Variants in SLC24A3 observed in about 807,000 individuals in gnomAD.
SLC24A3 encodes sodium/potassium/calcium exchanger 3.
Under a neutral mutation model 75.8 loss-of-function variants are expected in SLC24A3, and 28 were observed. That is an observed-to-expected ratio of 0.37 (90% CI 0.27 to 0.51). The LOEUF (loss-of-function observed/expected upper bound fraction) is 0.51. Among genes scored for constraint, SLC24A3 ranks in the 20% least tolerant of loss-of-function variants. SLC24A3 has a pLI of 0.94. For synonymous variants in SLC24A3, 372 were observed against 334.1 expected (o/e 1.11, Z -1.24); for missense variants, 663 against 847.8 (o/e 0.78, Z 2.71).
In SLC24A3 at chr20:19,365,102, A is replaced by C. The variant is rs73902334; in HGVS notation, c.271+84015A>C. On this transcript the variant is annotated intron_variant, in intron 2 of 16. Transcript: ENST00000328041. Reference sequence around the variant, plus strand: ...TGCAGCTGTGCCAGGATGCTCTCCCATGAGGCCTTGCACTTTGTACCGTTA... The same window carrying C: ...TGCAGCTGTGCCAGGATGCTCTCCCCTGAGGCCTTGCACTTTGTACCGTTA... 2.6e-3 allele frequency among the ~76,000 whole-genome samples: 398 copies of C among 152,208 alleles called. 3 individuals are homozygous for C. Among genetic ancestry groups the C allele is most frequent in the African/African-American group, 9.3e-3 (388 of 41,538 alleles).
intron 2 of SLC24A3, among the ~76,000 whole-genome samples, chr20:19,386,438 C>T (rs973692536): frequency 6.6e-6 from 1 of 152,172 alleles, no homozygotes; most frequent in Non-Finnish European, 1.5e-5. Flanking sequence ...CTAGCTAGAA[C>T]TCCCAGTACT....
rs781655298 is a variant in SLC24A3 at position 19,684,300 on chromosome 20, C to T, written c.1026C>T (p.Thr342=). Reference sequence around the variant, plus strand: ...TAACCAGCCACTTTCCCCCCAAGACCCGGCTCTCCATGGCCAGTCGCATGT... The same window carrying T: ...TAACCAGCCACTTTCCCCCCAAGACTCGGCTCTCCATGGCCAGTCGCATGT... The part of the protein sequence containing the change: ...IMITSHFPPK[T]RLSMASRMLI... The change falls in exon 11 of 17, where the codon ACC becomes ACT. Residue 342 remains threonine, a synonymous_variant. Transcript: ENST00000328041. 1 of 1,614,100 alleles carries T rather than the reference C, an allele frequency of 6.2e-7. No individual in the cohort carries two copies. The highest frequency in any genetic ancestry group is 8.5e-7 in the Non-Finnish European group (1 of 1,180,016).
chr20:19,399,370 T>G (rs1407535579), intron 2 of SLC24A3, among the ~76,000 whole-genome samples: 1 of 152,184 alleles, frequency 6.6e-6, no homozygotes, highest in Non-Finnish European at 1.5e-5. Flanking sequence ...ACCTTTCTTC[T>G]TTTTCAATAT....
At chr20:19,384,767 A>G (rs1409456716) in intron 2 of SLC24A3, among the ~76,000 whole-genome samples, 2 of 152,240 alleles carry the variant, frequency 1.3e-5, no homozygotes, top group Non-Finnish European at 2.9e-5. Context: ...ACTCTTTTCC[A>G]TAATGGTGGT....
At chr20:19,439,733 G>A (rs1987267739) in intron 2 of SLC24A3, among the ~76,000 whole-genome samples, 1 of 152,200 alleles carries the variant, frequency 6.6e-6, no homozygotes, top group Non-Finnish European at 1.5e-5. Flanking sequence ...TTGGATCTGT[G>A]TAGTGGGCAA....
At chr20:19,496,168 CT>C (rs1246981210) in intron 2 of SLC24A3, among the ~76,000 whole-genome samples, 1 of 152,184 alleles carries the variant, frequency 6.6e-6, no homozygotes, top group Non-Finnish European at 1.5e-5. Flanking sequence ...GGCTTCTGCA[CT>C]TCTGGCCTCA....
intron 6 of SLC24A3, among the ~76,000 whole-genome samples, chr20:19,618,148 G>C (rs2031760835): frequency 6.6e-6 from 1 of 152,140 alleles, no homozygotes. Context: ...GGTCACTAGT[G>C]GGGAGCCCAC....
intron 2 of SLC24A3, among the ~76,000 whole-genome samples, chr20:19,430,310 T>G (rs1987077925): frequency 6.6e-6 from 1 of 152,088 alleles, no homozygotes; most frequent in African/African-American, 2.4e-5. Context: ...AGATCAATAA[T>G]CAAAACAGAG....
intron 7 of SLC24A3, among the ~76,000 whole-genome samples, chr20:19,655,719 C>T (rs969828796): frequency 2.6e-5 from 4 of 152,142 alleles, no homozygotes; most frequent in African/African-American, 9.7e-5. Context: ...TTCTCCTGTC[C>T]TCAGACATCA....
chr20:19,256,340 A>G (rs1243244380), intron 1 of SLC24A3, among the ~76,000 whole-genome samples: 1 of 152,214 alleles, frequency 6.6e-6, no homozygotes, highest in African/African-American at 2.4e-5. Flanking sequence ...AGAGGGTAAC[A>G]GGGAGTGGCT....
chr20:19,236,596 AT>A (rs1167590398), intron 1 of SLC24A3, among the ~76,000 whole-genome samples: 1 of 152,122 alleles, frequency 6.6e-6, no homozygotes, highest in Non-Finnish European at 1.5e-5. Flanking sequence ...TGCAAAAAAA[AT>A]ATGCAAAAAT....
At chr20:19,229,043 A>C (rs1981945018) in intron 1 of SLC24A3, among the ~76,000 whole-genome samples, 1 of 152,244 alleles carries the variant, frequency 6.6e-6, no homozygotes, top group South Asian at 2.1e-4. Context: ...TCTTCTATGA[A>C]GATAATTTTG....
chr20:19,424,742 CAACAAAAAAAAAAAAAAAA>C (rs1568614240), intron 2 of SLC24A3, among the ~76,000 whole-genome samples: 5 of 4,792 alleles, frequency 1.0e-3, no homozygotes, highest in Admixed American at 1.8e-3. Flanking sequence ...AAAAAAACAA[CAACAAAAAAAAAAAAAAAA>C]AAAAAAAAAA....
intron 2 of SLC24A3, among the ~76,000 whole-genome samples, chr20:19,390,141 G>A (rs1986341851): frequency 6.6e-6 from 1 of 152,090 alleles, no homozygotes; most frequent in African/African-American, 2.4e-5. Flanking sequence ...TTAGTTGTCT[G>A]TTATCTCTTG....
chr20:19,452,921 C>T (rs532270507), intron 2 of SLC24A3, among the ~76,000 whole-genome samples: 2 of 152,260 alleles, frequency 1.3e-5, no homozygotes, highest in East Asian at 1.9e-4. Flanking sequence ...CGGTGGCTCA[C>T]GCCTATAATC....
intron 2 of SLC24A3, among the ~76,000 whole-genome samples, chr20:19,359,735 T>C (rs572036377): frequency 6.6e-6 from 1 of 152,294 alleles, no homozygotes; most frequent in East Asian, 1.9e-4. Context: ...CTGGCTCTGC[T>C]TTCTGACTGT....
intron 2 of SLC24A3, among the ~76,000 whole-genome samples, chr20:19,441,994 A>T (rs1987306888): frequency 6.6e-6 from 1 of 152,112 alleles, no homozygotes; most frequent in Non-Finnish European, 1.5e-5. Context: ...ACTTAGTAAT[A>T]TGTGTTTAAA....
In SLC24A3 at chr20:19,554,402, G is replaced by A. The variant is rs184786780; in HGVS notation, c.349-25598G>A. ...TAGTTCTCTTTGATGGCCTTACTCC[G>A]GAAGTGCTTCTAACAGAGTTTGTGG... On this transcript the variant is annotated intron_variant, in intron 3 of 16. Transcript: ENST00000328041. Among the ~76,000 whole-genome samples, 134 of 152,092 alleles carry A rather than the reference G, an allele frequency of 8.8e-4. 2 individuals carry two copies. The Middle Eastern group carries it at 0.01, about 12-fold the overall frequency.
Position 19,442,781 on chromosome 20 carries a change from C to T in SLC24A3, c.272-72707C>T, listed in dbSNP as rs149693631. Among the ~76,000 whole-genome samples, 752 of 152,110 alleles carry T rather than the reference C, an allele frequency of 4.9e-3. 5 individuals carry two copies. The highest frequency in any genetic ancestry group is 0.018 in the Admixed American group (280 of 15,272). On this transcript the variant is annotated intron_variant, in intron 2 of 16. Coordinates refer to ENST00000328041, the MANE Select transcript of SLC24A3 (RefSeq NM_020689.4). ...AAAATCATCACCAAACCCAAGGTCA[C>T]CTATATTTTCTCTTATGTTATCTTC...
Sources: gnomAD v4.1 joint callset for allele counts (sites outside exome capture counted in the v4.1 genomes callset) on GRCh38, gnomAD v4.1.1 for gene constraint, MANE v1.5 for transcripts, NCBI Gene and HGNC (gene_info 2026-07-23, HGNC 2026-07-21) for gene names.